Variants in EPB41L4A observed in about 807,000 individuals in gnomAD.
The protein encoded by EPB41L4A is erythrocyte membrane protein band 4.1 like 4A.
A neutral mutation model predicts 108.6 loss-of-function variants in EPB41L4A; 100 were observed. That is an observed-to-expected ratio of 0.92 (90% CI 0.78 to 1.09). The LOEUF is 1.09. Among genes scored for constraint, EPB41L4A ranks in the 50% least tolerant of loss-of-function variants. The pLI is 0.00. For missense variants in EPB41L4A, 1,030 were observed against 842.7 expected, an observed-to-expected ratio of 1.22 and a Z score of -2.75; for synonymous variants, 319 against 289.0, an observed-to-expected ratio of 1.10 and a Z score of -1.05.
chr5:112,392,633 T>C (rs995114066), intron 1 of EPB41L4A: 1 of 152,056 alleles, frequency 6.6e-6, no homozygotes, highest in Non-Finnish European at 1.5e-5. Flanking sequence ...TCTCACACAA[T>C]AATAATGGGA....
In EPB41L4A at chr5:112,332,049, G is replaced by A. The variant is rs186196709; in HGVS notation, c.100-24559C>T. Among the ~76,000 whole-genome samples the A allele has an allele frequency of 6.0e-3, 910 of 152,324 alleles. 6 individuals carry two copies. The highest frequency in any genetic ancestry group is 0.015 in the South Asian group (74 of 4,822). ...TGAACTGGGAACAGGAACAGAAACC[G>A]AAGGAATCTAAGGGATCTGGTGTGT... On this transcript the variant is annotated intron_variant, in intron 1 of 22. Coordinates refer to ENST00000261486, the MANE Select transcript of EPB41L4A (RefSeq NM_022140.5).
At chr5:112,243,415 C>T (rs1749965698) in intron 9 of EPB41L4A, among the ~76,000 whole-genome samples, 1 of 152,026 alleles carries the variant, frequency 6.6e-6, no homozygotes, top group South Asian at 2.1e-4. Context: ...CCAGAATTTT[C>T]TGAATGGTAA....
In EPB41L4A at chr5:112,335,373, A is replaced by G. The variant is rs114699290; in HGVS notation, c.100-27883T>C. 1.5e-3 allele frequency among the ~76,000 whole-genome samples: 234 copies of G among 152,354 alleles called. 3 individuals carry two copies. The highest frequency in any genetic ancestry group is 5.3e-3 in the African/African-American group (222 of 41,580). ...AACAGAAAAAAAGTGAACCTAATGT[A>G]GATGTATAAGCAGAAAATGTTTACC... On this transcript the variant is annotated intron_variant, in intron 1 of 22. Coordinates refer to ENST00000261486, the MANE Select transcript of EPB41L4A (RefSeq NM_022140.5).
At chr5:112,244,392 G>A (rs1429393701) in intron 9 of EPB41L4A, among the ~76,000 whole-genome samples, 1 of 152,180 alleles carries the variant, frequency 6.6e-6, no homozygotes, top group African/African-American at 2.4e-5. Flanking sequence ...ATACCTTGGG[G>A]TTCATTGTCA....
chr5:112,212,527 T>A (rs926030721), intron 12 of EPB41L4A, among the ~76,000 whole-genome samples: 5 of 152,184 alleles, frequency 3.3e-5, no homozygotes, highest in African/African-American at 1.2e-4. Context: ...ACTCCTGACC[T>A]CAAGTGATCC....
chr5:112,311,687 G>T (rs1334984317), intron 1 of EPB41L4A, among the ~76,000 whole-genome samples: 1 of 152,134 alleles, frequency 6.6e-6, no homozygotes, highest in Non-Finnish European at 1.5e-5. Flanking sequence ...CAGCCTGGGC[G>T]ACAGAGTGAG....
chr5:112,305,808 T>C (rs1754647338), intron 2 of EPB41L4A, among the ~76,000 whole-genome samples: 1 of 152,170 alleles, frequency 6.6e-6, no homozygotes, highest in African/African-American at 2.4e-5. Context: ...TCTTATCACA[T>C]CAAAACAATA....
At chr5:112,175,667 T>C (rs1292305774) in intron 18 of EPB41L4A, 2 of 151,732 alleles carry the variant, frequency 1.3e-5, no homozygotes, top group Non-Finnish European at 2.9e-5. Flanking sequence ...TATTTTTATA[T>C]AGTACATATA....
At chr5:112,264,834 G>A (rs1038163488) in intron 6 of EPB41L4A, 62 bp downstream of exon 6, 1 of 1,522,642 alleles carries the variant, frequency 6.6e-7, no homozygotes, top group Non-Finnish European at 8.9e-7. Flanking sequence ...AACTTTTCTT[G>A]TGAATATCAG....
At chr5:112,337,985 G>C (rs1757035536) in intron 1 of EPB41L4A, among the ~76,000 whole-genome samples, 1 of 152,078 alleles carries the variant, frequency 6.6e-6, no homozygotes, top group East Asian at 1.9e-4. Flanking sequence ...TTGTCTGAGG[G>C]TGAGATATCT....
chr5:112,332,270 T>C lies in EPB41L4A; in HGVS notation c.100-24780A>G, dbSNP rs116820387. On this transcript the variant is annotated intron_variant, in intron 1 of 22. Transcript: ENST00000261486. ...ATCCCATCTTTCTTTTGTCCACTTT[T>C]TCTCCTGTTTAAATTATTCTTGATG... Among the ~76,000 whole-genome samples the C allele has an allele frequency of 9.3e-3, 1,418 of 152,340 alleles. 24 individuals are homozygous for C. The highest frequency in any genetic ancestry group is 0.033 in the African/African-American group (1,353 of 41,574).
At position 112,259,288 on chromosome 5, in the gene EPB41L4A, G is replaced by C. The variant is rs756763033; in HGVS notation, c.736C>G (p.Arg246Gly). 6.2e-7 allele frequency: 1 copy of C among 1,613,636 alleles called. No individual in the cohort carries two copies. Among genetic ancestry groups the C allele is most frequent in the South Asian group, 1.1e-5 (1 of 91,064 alleles). Residue 246 changes from arginine (R) to glycine (G), a missense_variant, in exon 9 of 23, where the codon CGG (arginine) becomes GGG (glycine). Arg to Gly is a moderately radical substitution (Grantham distance 125). Coordinates refer to ENST00000261486, the MANE Select transcript of EPB41L4A (RefSeq NM_022140.5). ...TCCTTGAAGTGAACCTTTGTAATCC[G>C]AGGCCTAAAAAACAAAGCAGATGGT... ...KKQVGKYFWP[R>G]ITKVHFKETQ... is the part of the protein sequence containing the mutation.
intron 18 of EPB41L4A, among the ~76,000 whole-genome samples, chr5:112,178,043 A>T (rs921993479): frequency 8.2e-6 from 1 of 122,498 alleles, no homozygotes; most frequent in Non-Finnish European, 1.6e-5. Flanking sequence ...GGCTAGAATT[A>T]AAAAAAAAAA....
At chr5:112,149,097 G>T (rs1021759214) in intron 12 of EPB41L4A, among the ~76,000 whole-genome samples, 5 of 152,022 alleles carry the variant, frequency 3.3e-5, no homozygotes, top group African/African-American at 9.7e-5. Flanking sequence ...GAATTGTTCT[G>T]GCTATTCTCA....
chr5:112,364,194 TTTTTGTA>T (rs754110875), intron 1 of EPB41L4A, among the ~76,000 whole-genome samples: 45 of 152,226 alleles, frequency 3.0e-4, no homozygotes, highest in Admixed American at 8.5e-4. Flanking sequence ...GCCAGGCAAT[TTTTTGTA>T]TTTTGGTAGA....
chr5:112,360,114 G>C (rs376395), intron 1 of EPB41L4A, among the ~76,000 whole-genome samples: 1 of 151,908 alleles, frequency 6.6e-6, no homozygotes, highest in Admixed American at 6.5e-5. Flanking sequence ...GATTCAATAG[G>C]AATCCAACAA....
chr5:112,243,596 G>A (rs1749980572), intron 9 of EPB41L4A, among the ~76,000 whole-genome samples: 1 of 152,200 alleles, frequency 6.6e-6, no homozygotes, highest in African/African-American at 2.4e-5. Flanking sequence ...CTGAAAATCT[G>A]TTGTTTAGTG....
At chr5:112,247,177 A>C (rs1750299637) in intron 9 of EPB41L4A, among the ~76,000 whole-genome samples, 1 of 148,706 alleles carries the variant, frequency 6.7e-6, no homozygotes. Context: ...AAGTTTTCAA[A>C]GTGGGTATAC....
chr5:112,276,908 TGCTACA>T (rs1342168436), intron 3 of EPB41L4A, among the ~76,000 whole-genome samples: 1 of 152,232 alleles, frequency 6.6e-6, no homozygotes, highest in African/African-American at 2.4e-5. Context: ...ACACTCCTTA[TGCTACA>T]GCTTTTTTAA....
Sources: gnomAD v4.1 joint callset for allele counts (sites outside exome capture counted in the v4.1 genomes callset) on GRCh38, gnomAD v4.1.1 for gene constraint, MANE v1.5 for transcripts, NCBI Gene and HGNC (gene_info 2026-07-23, HGNC 2026-07-21) for gene names.